Variants in EFCAB5 observed in about 807,000 individuals in gnomAD.
The protein encoded by EFCAB5 is EF-hand calcium-binding domain-containing protein 5.
EFCAB5 carries 131 observed loss-of-function variants against 167.9 expected under a neutral mutation model. The ratio of observed to expected loss-of-function variants is 0.78; its 90% CI spans 0.68 to 0.90. The LOEUF (loss-of-function observed/expected upper bound fraction) is 0.90, where lower values mean the gene tolerates loss of function less well. EFCAB5 is among the 40% of genes least tolerant of loss of function. The pLI, the probability that EFCAB5 is intolerant of heterozygous loss-of-function variation, is 0.00. For missense variants in EFCAB5, 1,663 were observed against 1,745.2 expected (o/e 0.95, Z 0.84); for synonymous variants, 574 against 602.8 (o/e 0.95, Z 0.70).
chr17:30,105,635 C>T (rs563344744), intron 22 of EFCAB5, among the ~76,000 whole-genome samples: 31 of 152,292 alleles, frequency 2.0e-4, no homozygotes, highest in African/African-American at 7.5e-4. Flanking sequence ...AATGTGATCT[C>T]ATGACCAGCA....
chr17:30,054,156 T>C lies in EFCAB5; in HGVS notation c.2194+8T>C, dbSNP rs977371894. 10 of 1,521,064 alleles carry C rather than the reference T, an allele frequency of 6.6e-6. No homozygotes were observed. The highest frequency in any genetic ancestry group is 8.8e-6 in the Non-Finnish European group (10 of 1,136,954). 94.2% of individuals were successfully genotyped at this position (1,521,064 alleles called of 1,614,324 possible). The stretch of plus-strand genomic sequence containing the variant: ...GAAAAGATCACTTTCCAGGTAGTAA[T>C]GCAGTTCTTCTACAACATCAGTTCC... On this transcript the variant is annotated splice_region_variant and intron_variant, in intron 10 of 22. Transcript: ENST00000394835.
intron 22 of EFCAB5, among the ~76,000 whole-genome samples, chr17:30,097,052 ATATATAT>A (rs1567777464): frequency 8.7e-5 from 7 of 80,924 alleles, no homozygotes; most frequent in Non-Finnish European, 1.4e-4. Context: ...ACATATACAT[ATATATAT>A]ATTTTTTTTT....
chr17:29,935,876 GCA>G (rs1217876634), intron 1 of EFCAB5, among the ~76,000 whole-genome samples: 1 of 152,144 alleles, frequency 6.6e-6, no homozygotes, highest in East Asian at 1.9e-4. Context: ...GGGCTTCATG[GCA>G]CCCATGGTTC....
chr17:30,065,870 A>G (rs545941662), intron 14 of EFCAB5, among the ~76,000 whole-genome samples: 3 of 152,362 alleles, frequency 2.0e-5, no homozygotes, highest in South Asian at 2.1e-4. Context: ...AGGTCATTAT[A>G]TAATGATAAA....
chr17:29,960,748 A>G (rs942985186), intron 3 of EFCAB5, among the ~76,000 whole-genome samples: 2 of 152,186 alleles, frequency 1.3e-5, no homozygotes, highest in Admixed American at 1.3e-4. Flanking sequence ...ATGTGCAAGT[A>G]TCTGGGCCCC....
At chr17:30,063,964 C>T (rs1284228259) in intron 14 of EFCAB5, among the ~76,000 whole-genome samples, 1 of 152,200 alleles carries the variant, frequency 6.6e-6, no homozygotes, top group Non-Finnish European at 1.5e-5. Context: ...TATCTGGAAA[C>T]AATGTCGCCA....
intron 3 of EFCAB5, among the ~76,000 whole-genome samples, chr17:29,954,655 G>T (rs2067577751): frequency 6.6e-6 from 1 of 152,190 alleles, no homozygotes; most frequent in Non-Finnish European, 1.5e-5. Context: ...TGGAGTTGGA[G>T]CCCCCACGCA....
Position 30,090,475 on chromosome 17 carries a change from T to G in EFCAB5, c.3738T>G (p.Cys1246Trp), listed in dbSNP as rs777762430. 6.2e-7 allele frequency: 1 copy of G among 1,614,010 alleles called. No homozygotes were observed. Among genetic ancestry groups the G allele is most frequent in the Non-Finnish European group, 8.5e-7 (1 of 1,179,880 alleles). ...DSSEVVLASA[C>W]GETHIVVPLR... ...CAGAAGTTGTTCTGGCTTCTGCCTG[T>G]GGAGAAACGCATATAGTAGTTCCAC... The change falls in exon 20 of 23, where the codon TGT becomes TGG. Residue 1246 changes from cysteine to tryptophan, a missense_variant. Transcript: ENST00000394835.
At chr17:29,997,684 G>T (rs1321448553) in intron 6 of EFCAB5, among the ~76,000 whole-genome samples, 1 of 152,042 alleles carries the variant, frequency 6.6e-6, no homozygotes, top group Non-Finnish European at 1.5e-5. Context: ...ATAGAGTTGG[G>T]TTCTAAGTTC....
chr17:30,091,702 T>C (rs566757371), intron 20 of EFCAB5, among the ~76,000 whole-genome samples, 169 bp from the exon 21 acceptor site: 1 of 152,360 alleles, frequency 6.6e-6, no homozygotes, highest in South Asian at 2.1e-4. Flanking sequence ...ATTGCTTTCT[T>C]TTGATTTCAT....
At chr17:30,023,344 G>A (rs2069231022) in intron 7 of EFCAB5, among the ~76,000 whole-genome samples, 1 of 151,688 alleles carries the variant, frequency 6.6e-6, no homozygotes, top group South Asian at 2.1e-4. Context: ...AATGATAAAG[G>A]GGATATCACC....
intron 3 of EFCAB5, among the ~76,000 whole-genome samples, chr17:29,968,543 C>T (rs549721753): frequency 5.3e-5 from 8 of 152,120 alleles, no homozygotes; most frequent in Middle Eastern, 6.8e-3. Context: ...AAAAAATGAA[C>T]GAAAATAAAC....
chr17:30,076,462 A>G (rs1355502925), intron 14 of EFCAB5, among the ~76,000 whole-genome samples: 2 of 152,250 alleles, frequency 1.3e-5, no homozygotes, highest in African/African-American at 4.8e-5. Flanking sequence ...ACTAAGAGAA[A>G]GGTGAGTGGG....
intron 7 of EFCAB5, among the ~76,000 whole-genome samples, chr17:30,024,160 T>C (rs952936961): frequency 4.6e-5 from 7 of 152,026 alleles, no homozygotes; most frequent in African/African-American, 1.7e-4. Flanking sequence ...CTATTCAACA[T>C]AGTGTTGGAA....
chr17:30,079,142 A>G (rs2070930646), intron 15 of EFCAB5, among the ~76,000 whole-genome samples: 1 of 152,194 alleles, frequency 6.6e-6, no homozygotes, highest in Admixed American at 6.5e-5. Flanking sequence ...TATGCCAGTC[A>G]TCTCAGCTAA....
In EFCAB5 at chr17:30,068,694, A is replaced by G. The variant is rs191335382; in HGVS notation, c.2737+8993A>G. The stretch of plus-strand genomic sequence containing the variant: ...AGACCGTGAAGACGCAGAACAAGGC[A>G]CTGGGAGTGGCAGTGGGTGGCAGAG... On this transcript the variant is annotated intron_variant, in intron 14 of 22. Coordinates refer to ENST00000394835, the MANE Select transcript of EFCAB5 (RefSeq NM_198529.4). The G allele has an allele frequency of 4.0e-3, 6,346 of 1,574,820 alleles. 15 individuals carry two copies. Among genetic ancestry groups the G allele is most frequent in the Non-Finnish European group, 4.8e-3 (5,566 of 1,154,006 alleles).
At chr17:29,992,088 A>G (rs2068433051) in intron 4 of EFCAB5, among the ~76,000 whole-genome samples, 1 of 152,134 alleles carries the variant, frequency 6.6e-6, no homozygotes, top group Admixed American at 6.5e-5. Flanking sequence ...AAACTTATTC[A>G]TCTTGTCTAA....
chr17:29,988,976 C>T (rs2068350850), intron 4 of EFCAB5, among the ~76,000 whole-genome samples: 2 of 152,320 alleles, frequency 1.3e-5, no homozygotes, highest in East Asian at 1.9e-4. Context: ...TGCAACTCTG[C>T]CTCAGCCTCC....
chr17:29,947,907 C>A (rs1439621978), intron 3 of EFCAB5, among the ~76,000 whole-genome samples: 9 of 152,122 alleles, frequency 5.9e-5, no homozygotes, highest in African/African-American at 1.9e-4. Flanking sequence ...CTCACTGCAA[C>A]CTCCGCCTCC....
Sources: allele counts gnomAD v4.1 joint callset (sites outside exome capture counted in the v4.1 genomes callset), GRCh38; gene constraint gnomAD v4.1.1; transcripts MANE v1.5; gene names NCBI Gene and HGNC (gene_info 2026-07-23, HGNC 2026-07-21).